DBNL: variants seen among roughly 807,000 people sequenced by gnomAD.
DBNL encodes drebrin-like protein.
Under a neutral mutation model 62.2 loss-of-function variants are expected in DBNL, and 35 were observed. That is an observed-to-expected ratio of 0.56 (90% CI 0.43 to 0.75). The LOEUF (loss-of-function observed/expected upper bound fraction) is 0.75. DBNL is among the 30% of genes least tolerant of loss of function. DBNL has a pLI of 0.00. For missense variants in DBNL, 495 were observed against 578.4 expected (o/e 0.86, Z 1.48); for synonymous variants, 197 against 218.0 (o/e 0.90, Z 0.85).
rs113286619 is a variant in DBNL at position 44,065,879 on chromosome 7, G to C, written c.*4963G>C. ...GGCCAGGGGAGATGGGGATAGCAGG[G>C]ACAGAGGGGCTCTCCAGGGCAACGC... On this transcript the variant is annotated 3_prime_UTR_variant, in exon 13 of 13. Coordinates refer to ENST00000448521, the MANE Select transcript of DBNL (RefSeq NM_001014436.3). 6 of 427,936 alleles carry C rather than the reference G, an allele frequency of 1.4e-5. No individual in the cohort carries two copies. The highest frequency in any genetic ancestry group is 1.2e-4 in the African/African-American group (6 of 49,718). The allele number at this position is 427,936 out of a possible 1,614,324, so 26.5% of individuals were successfully genotyped here. A position where few individuals can be genotyped will look rare whatever the true frequency, so the allele number is the denominator to read the frequency against.
Position 44,050,278 on chromosome 7 carries a change from G to A in DBNL, c.137G>A (p.Gly46Glu). The A allele has an allele frequency of 6.2e-7, 1 of 1,613,670 alleles. No homozygotes were observed. Among genetic ancestry groups the A allele is most frequent in the Non-Finnish European group, 8.5e-7 (1 of 1,179,658 alleles). The change falls in exon 2 of 13, where the codon GGG becomes GAG. Residue 46 changes from glycine (G) to glutamate (E), a missense_variant and splice_region_variant. Physicochemically the swap from Gly to Glu is moderately conservative, Grantham distance 98. Coordinates refer to ENST00000448521, the MANE Select transcript of DBNL (RefSeq NM_001014436.3). ...AATGACATCCGCGTGGCTGGCACAG[G>A]GGGTGAGTATGACTCCAAATGGACT... ...NSNDIRVAGTGEGGLEEMVEE... is the reference protein window; with the variant it reads ...NSNDIRVAGTEEGGLEEMVEE...
In DBNL at chr7:44,064,719, TGGAGCCC is replaced by T. The variant is rs2096155745; in HGVS notation, c.*3804_*3810del. 1.1e-6 allele frequency: 1 copy of T among 929,396 alleles called. No individual in the cohort carries two copies. The highest frequency in any genetic ancestry group is 1.4e-5 in the South Asian group (1 of 70,428). 57.6% of individuals were successfully genotyped at this position (929,396 alleles called of 1,614,324 possible). Reference sequence around the variant, plus strand: ...AGCCCTCCTTTTTCAGTGAATGATGTGGAGCCCCACGCCTAGAAAGCCTGGTCCATGG... The same window carrying T: ...AGCCCTCCTTTTTCAGTGAATGATGTCACGCCTAGAAAGCCTGGTCCATGG... On this transcript the variant is annotated 3_prime_UTR_variant, in exon 13 of 13. Coordinates refer to ENST00000448521, the MANE Select transcript of DBNL (RefSeq NM_001014436.3).
At position 44,059,456 on chromosome 7, in the gene DBNL, C is replaced by T. The variant is rs1452577053; in HGVS notation, c.931+7C>T. 5 of 1,613,884 alleles carry T rather than the reference C, an allele frequency of 3.1e-6. No homozygotes were observed. Among genetic ancestry groups the T allele is most frequent in the African/African-American group, 1.3e-5 (1 of 75,026 alleles). On this transcript the variant is annotated splice_region_variant and intron_variant, in intron 10 of 12. Transcript: ENST00000448521. This position sits in a 1 kb window ranked among gnomAD's most constrained non-coding sequence, Gnocchi z 4.1. ...ATCTCAAGGCCCAGGGCAGGCAAGG[C>T]GCTTGTCACCCCATGGGGACCCTGG...
Position 44,051,941 on chromosome 7 carries a change from G to T in DBNL, c.251G>T (p.Trp84Leu). 6.2e-7 allele frequency: 1 copy of T among 1,613,978 alleles called. No individual in the cohort carries two copies. The highest frequency in any genetic ancestry group is 8.5e-7 in the Non-Finnish European group (1 of 1,179,886). Residue 84 changes from tryptophan (W) to leucine (L), a missense_variant and splice_region_variant, in exon 3 of 13, where the codon TGG becomes TTG. Physicochemically the swap from Trp to Leu is moderately conservative, Grantham distance 61. Transcript: ENST00000448521. ...CTGCCCAAATTTGTCCTCATCAACT[G>T]GGTATGTGGAGCCTGTTTCATCTAG... Reference protein sequence around the residue: ...SGLPKFVLINWTGEGVNDVRK... With the variant: ...SGLPKFVLINLTGEGVNDVRK...
intron 2 of DBNL, 42 bp from the exon 3 acceptor site, chr7:44,051,788 A>G (rs969404149): frequency 6.3e-7 from 1 of 1,592,110 alleles, no homozygotes; most frequent in East Asian, 2.2e-5. Flanking sequence ...CCAGCAGGGA[A>G]TGTCAGGGCC....
intron 1 of DBNL, among the ~76,000 whole-genome samples, chr7:44,048,501 G>C (rs1380573564): frequency 2.0e-5 from 3 of 152,164 alleles, no homozygotes; most frequent in Non-Finnish European, 2.9e-5. Context: ...TTTCCCGGAG[G>C]CCTGTCTCCT....
chr7:44,050,423 C>T, intron 2 of DBNL, 143 bp downstream of exon 2: 1 of 773,448 alleles, frequency 1.3e-6, no homozygotes, highest in Non-Finnish European at 2.2e-6. Context: ...CCTTAGGTTT[C>T]AGATATGTGT....
At chr7:44,055,248 C>G (rs1245430561) in intron 4 of DBNL, among the ~76,000 whole-genome samples, 1 of 152,168 alleles carries the variant, frequency 6.6e-6, no homozygotes, top group East Asian at 1.9e-4. Flanking sequence ...AACAGATTAC[C>G]TGAGGTCAGG....
At position 44,062,460 on chromosome 7, in the gene DBNL, C is replaced by T. The variant is rs1458438192; in HGVS notation, c.*1544C>T. The stretch of plus-strand genomic sequence containing the variant: ...AGCTGGGTCACTTGGCCTCTTCTAA[C>T]TGGCCCCAAGCACGCCAATTCTGGA... On this transcript the variant is annotated 3_prime_UTR_variant, in exon 13 of 13. Coordinates refer to ENST00000448521, the MANE Select transcript of DBNL (RefSeq NM_001014436.3). The T allele has an allele frequency of 1.2e-5, 5 of 422,204 alleles. No individual in the cohort carries two copies. The highest frequency in any genetic ancestry group is 4.0e-5 in the African/African-American group (2 of 49,446). The allele number at this position is 422,204 out of a possible 1,614,324, so 26.2% of individuals were successfully genotyped here. A position where few individuals can be genotyped will look rare whatever the true frequency, so the allele number is the denominator to read the frequency against.
intron 6 of DBNL, 40 bp from the exon 7 acceptor site, chr7:44,058,089 T>C (rs769893053): frequency 6.5e-7 from 1 of 1,548,526 alleles, no homozygotes; most frequent in Non-Finnish European, 8.7e-7. Context: ...TAGGCTGAAG[T>C]GGCAGCATAG....
intron 1 of DBNL, among the ~76,000 whole-genome samples, chr7:44,047,209 A>G (rs182034017): frequency 6.6e-6 from 1 of 152,154 alleles, no homozygotes; most frequent in African/African-American, 2.4e-5. Flanking sequence ...CTCTTACTAG[A>G]AGGGGTGGGG....
intron 1 of DBNL, among the ~76,000 whole-genome samples, chr7:44,046,667 G>T (rs1234058880): frequency 6.6e-6 from 1 of 152,180 alleles, no homozygotes; most frequent in East Asian, 1.9e-4. Flanking sequence ...TCACTCAGCA[G>T]CATAACCCAC....
chr7:44,066,351 A>C lies in DBNL; in HGVS notation c.*5435A>C, dbSNP rs1353338477. The C allele has an allele frequency of 6.6e-6, 1 of 152,650 alleles. No homozygotes were observed. Among genetic ancestry groups the C allele is most frequent in the African/African-American group, 2.4e-5 (1 of 41,464 alleles). 9.5% of individuals were successfully genotyped at this position (152,650 alleles called of 1,614,324 possible). On this transcript the variant is annotated 3_prime_UTR_variant, in exon 13 of 13. Coordinates refer to ENST00000448521, the MANE Select transcript of DBNL (RefSeq NM_001014436.3). Reference sequence around the variant, plus strand: ...TAGGTAAATGCTCAGCTTAGCAGGAACCCACAACGTAGGCTGAAGGGTGGC... The same window carrying C: ...TAGGTAAATGCTCAGCTTAGCAGGACCCCACAACGTAGGCTGAAGGGTGGC...
In DBNL at chr7:44,049,011, C is replaced by G. The variant is rs575520626; in HGVS notation, c.84-1214C>G. Among the ~76,000 whole-genome samples the G allele has an allele frequency of 1.4e-3, 212 of 152,182 alleles. 1 individual carries two copies. The highest frequency in any genetic ancestry group is 6.8e-3 in the Middle Eastern group (2 of 294). ...TTGGGACTACGGGCATATGCCACCA[C>G]GCCTGGCTGATTTTTGTATTTTTGG... On this transcript the variant is annotated intron_variant, in intron 1 of 12. Transcript: ENST00000448521.
chr7:44,049,074 C>T (rs770712945), intron 1 of DBNL, among the ~76,000 whole-genome samples: 7 of 151,968 alleles, frequency 4.6e-5, no homozygotes, highest in Non-Finnish European at 1.0e-4. Flanking sequence ...AGGCTGGTCT[C>T]AAACTCCTGG....
rs138271805 is a variant in DBNL, at chr7:44,059,416, G to C, written c.898G>C (p.Glu300Gln). Residue 300 changes from glutamate to glutamine, a missense_variant, in exon 10 of 13, where the codon GAG (glutamate) becomes CAG (glutamine). By Grantham distance (29) the Glu-to-Gln change is conservative. Coordinates refer to ENST00000448521, the MANE Select transcript of DBNL (RefSeq NM_001014436.3). The surrounding 1 kb of genome is among the most constrained non-coding windows in gnomAD (Gnocchi z 4.1). Reference sequence around the variant, plus strand: ...CCAACCAGAGACCCACTTTGGCAGAGAGCCAGCTGCTGCCATCTCAAGGCC... The same window carrying C: ...CCAACCAGAGACCCACTTTGGCAGACAGCCAGCTGCTGCCATCTCAAGGCC... The part of the protein sequence containing the change: ...LTQPETHFGR[E>Q]PAAAISRPRA... 1.9e-4 allele frequency: 310 copies of C among 1,614,012 alleles called. No homozygotes were observed. Among genetic ancestry groups the C allele is most frequent in the Non-Finnish European group, 2.4e-4 (285 of 1,180,024 alleles).
At chr7:44,053,267 G>A (rs115610634) in intron 4 of DBNL, among the ~76,000 whole-genome samples, 3,907 of 152,268 alleles carry the variant, frequency 0.026, 154 homozygotes, top group African/African-American at 0.089. Flanking sequence ...TAGTAATACC[G>A]TCAGGATTTG....
chr7:44,058,378 C>CA, intron 7 of DBNL, 54 bp from the exon 8 acceptor site: 1 of 1,613,408 alleles, frequency 6.2e-7, no homozygotes, highest in Non-Finnish European at 8.5e-7. Context: ...AGGGGTGTGG[C>CA]ATGAGAAGCT....
rs190081650 is a variant in DBNL at position 44,058,376 on chromosome 7, G to C, written c.705-56G>C. 216 of 1,613,506 alleles carry C rather than the reference G, an allele frequency of 1.3e-4. 2 individuals carry two copies. The East Asian group carries it at 4.7e-3, about 35-fold the overall frequency. ...GGAGGCGAGGAGGACTAAGGGGTGTGGCATGAGAAGCTGTGACTGTGCCTC... is the reference window on the plus strand; with the variant it reads ...GGAGGCGAGGAGGACTAAGGGGTGTCGCATGAGAAGCTGTGACTGTGCCTC... On this transcript the variant is annotated intron_variant, in intron 7 of 12. Transcript: ENST00000448521.
Sources: gnomAD v4.1 joint callset for allele counts (sites outside exome capture counted in the v4.1 genomes callset) on GRCh38, gnomAD v4.1.1 for gene constraint, Gnocchi (gnomAD v3.1) non-coding constraint, MANE v1.5 for transcripts, NCBI Gene and HGNC (gene_info 2026-07-23, HGNC 2026-07-21) for gene names.